Variants in DMXL1 observed in about 807,000 individuals in gnomAD.
DMXL1 encodes dmX-like protein 1.
DMXL1 carries 99 observed loss-of-function variants against 319.2 expected under a neutral mutation model. That is an observed-to-expected ratio of 0.31 (90% confidence interval 0.26 to 0.37). The LOEUF (loss-of-function observed/expected upper bound fraction) is 0.37. Ranked by LOEUF, DMXL1 falls within the 10% of genes least tolerant of loss-of-function variation. The probability of loss-of-function intolerance (pLI) is 1.00; values close to 1 mark genes in which losing one functional copy is unlikely to be tolerated. For synonymous variants in DMXL1, 1,385 were observed against 1,235.2 expected (o/e 1.12, Z -2.54); for missense variants, 3,745 against 3,595.6 (o/e 1.04, Z -1.06).
intron 30 of DMXL1, among the ~76,000 whole-genome samples, chr5:119,194,368 A>G (rs1581248791): frequency 1.3e-5 from 2 of 152,232 alleles, no homozygotes; most frequent in East Asian, 3.8e-4. Context: ...GAACACTAGT[A>G]CTATAAGATG....
At chr5:119,221,266 A>G (rs1355016842) in intron 37 of DMXL1, among the ~76,000 whole-genome samples, 185 bp downstream of exon 37, 1 of 152,176 alleles carries the variant, frequency 6.6e-6, no homozygotes, top group Admixed American at 6.5e-5. Context: ...GTAATAATAA[A>G]TTGTTTTAAA....
chr5:119,122,325 C>T (rs1468337725), intron 9 of DMXL1, among the ~76,000 whole-genome samples: 1 of 149,040 alleles, frequency 6.7e-6, no homozygotes, highest in Non-Finnish European at 1.5e-5. Context: ...GACCCCCCCA[C>T]CTCCCTCCCG....
intron 37 of DMXL1, among the ~76,000 whole-genome samples, chr5:119,221,347 G>T (rs1346594396): frequency 6.6e-6 from 1 of 152,090 alleles, no homozygotes; most frequent in East Asian, 1.9e-4. Context: ...TTCAGATCAG[G>T]CTTCAGCAAG....
At chr5:119,218,652 T>A (rs1265983769) in intron 35 of DMXL1, among the ~76,000 whole-genome samples, 1 of 152,104 alleles carries the variant, frequency 6.6e-6, no homozygotes, top group Admixed American at 6.6e-5. Context: ...AGACGGCGTT[T>A]CACCATGTTG....
chr5:119,080,327 A>C (rs768068558), intron 1 of DMXL1, among the ~76,000 whole-genome samples: 12 of 152,174 alleles, frequency 7.9e-5, no homozygotes, highest in Non-Finnish European at 1.8e-4. Context: ...ATCCTGGGCG[A>C]CAGAGCAAGA....
intron 38 of DMXL1, among the ~76,000 whole-genome samples, chr5:119,232,208 A>T (rs919960108): frequency 6.6e-6 from 1 of 152,150 alleles, no homozygotes; most frequent in Non-Finnish European, 1.5e-5. Flanking sequence ...CAACCACCCC[A>T]ATTTATTTTT....
At chr5:119,239,180 A>ATAGGGGAC (rs1788304432) in intron 41 of DMXL1, 100 bp downstream of exon 41, 1 of 1,217,532 alleles carries the variant, frequency 8.2e-7, no homozygotes, top group Admixed American at 2.1e-5. Context: ...TTATGGCTTT[A>ATAGGGGAC]GATACAGTAT....
intron 42 of DMXL1, among the ~76,000 whole-genome samples, chr5:119,243,999 A>G (rs1789271704): frequency 6.6e-6 from 1 of 152,246 alleles, no homozygotes; most frequent in East Asian, 1.9e-4. Context: ...GGACCAAAGC[A>G]GCATTTGGTC....
chr5:119,240,115 T>A (rs1015591437), intron 41 of DMXL1, among the ~76,000 whole-genome samples: 2 of 151,844 alleles, frequency 1.3e-5, no homozygotes, highest in African/African-American at 2.4e-5. Context: ...CAAAAAAAAA[T>A]TTAAAAAATT....
chr5:119,188,511 A>T (rs554072000), intron 28 of DMXL1, among the ~76,000 whole-genome samples: 2 of 152,352 alleles, frequency 1.3e-5, no homozygotes, highest in South Asian at 4.1e-4. Flanking sequence ...TATAGTTCTC[A>T]CTTTTCACTT....
rs554095949 is a variant in DMXL1 at position 119,178,171 on chromosome 5, A to G, written c.7062A>G (p.Lys2354=). The G allele has an allele frequency of 6.2e-7, 1 of 1,613,982 alleles. No homozygotes were observed. The highest frequency in any genetic ancestry group is 1.7e-5 in the Admixed American group (1 of 60,016). Residue 2354 remains lysine (K), a synonymous_variant, in exon 28 of 44, where the codon AAA becomes AAG. Coordinates refer to ENST00000539542, the MANE Select transcript of DMXL1 (RefSeq NM_001290321.3). ...TTGTGGCCCATCCTCTAAATGAGAAAATGTGGTCTGCTGTGTTTGGTGGAG... is the reference window on the plus strand; with the variant it reads ...TTGTGGCCCATCCTCTAAATGAGAAGATGTGGTCTGCTGTGTTTGGTGGAG... ...FRIVAHPLNE[K]MWSAVFGGGA... is the part of the protein sequence containing the mutation.
In DMXL1 at chr5:119,147,353, G is replaced by C; in HGVS notation, c.2794G>C (p.Ala932Pro). The change falls in exon 17 of 44, where the codon GCT becomes CCT. Residue 932 changes from alanine to proline, a missense_variant. This residue lies in a region of DMXL1 where 2,096 missense variants were observed against 1,985.4 expected (regional missense o/e 1.06). Transcript: ENST00000539542. ...ILSPFSQKYQ[A>P]CRANLQSTSR... ...ATCTCCTTTTTCACAAAAGTATCAG[G>C]CTTGCAGAGCAAATCTCCAGAGTAC... 1 of 1,613,370 alleles carries C rather than the reference G, an allele frequency of 6.2e-7. No homozygotes were observed. The highest frequency in any genetic ancestry group is 8.5e-7 in the Non-Finnish European group (1 of 1,179,630).
At position 119,220,541 on chromosome 5, in the gene DMXL1, G is replaced by C. The variant is rs777929434; in HGVS notation, c.8083G>C (p.Ala2695Pro). Residue 2695 changes from alanine (A) to proline (P), a missense_variant, in exon 36 of 44, where the codon GCC (alanine) becomes CCC (proline). By Grantham distance (27) the Ala-to-Pro change is conservative. Coordinates refer to ENST00000539542, the MANE Select transcript of DMXL1 (RefSeq NM_001290321.3). ...AGAACTGGATGTTTCTGGAATTCTG[G>C]CCACACAGGTCTACACTTGGGTAGA... ...VQELDVSGIL[A>P]TQVYTWVDDD... The C allele has an allele frequency of 6.2e-7, 1 of 1,613,726 alleles. No homozygotes were observed. Among genetic ancestry groups the C allele is most frequent in the Non-Finnish European group, 8.5e-7 (1 of 1,179,808 alleles).
chr5:119,134,015 T>A lies in DMXL1; in HGVS notation c.2091T>A (p.Asp697Glu). Residue 697 changes from aspartate to glutamate, a missense_variant, in exon 12 of 44, where the codon GAT becomes GAA. Physicochemically the swap from Asp to Glu is conservative, Grantham distance 45. Transcript: ENST00000539542. ...GCACTGTTGACGTGGCATTTCAGGA[T>A]CCCAGTGCAGTTTACAGTGAGCTTA... is the stretch of plus-strand genomic sequence containing the variant. ...NKSTVDVAFQ[D>E]PSAVYSELIL... 1 of 1,614,182 alleles carries A rather than the reference T, an allele frequency of 6.2e-7. No individual in the cohort carries two copies. Among genetic ancestry groups the A allele is most frequent in the African/African-American group, 1.3e-5 (1 of 75,046 alleles).
chr5:119,240,961 G>A (rs1235577573), intron 42 of DMXL1, among the ~76,000 whole-genome samples: 1 of 152,080 alleles, frequency 6.6e-6, no homozygotes, highest in Non-Finnish European at 1.5e-5. Context: ...AGGATACAAG[G>A]TCAATATACA....
chr5:119,214,162 T>C (rs536381676), intron 34 of DMXL1, among the ~76,000 whole-genome samples: 1 of 152,320 alleles, frequency 6.6e-6, no homozygotes, highest in Admixed American at 6.5e-5. Context: ...TACTCCCTAC[T>C]GTTTCCTTCA....
At chr5:119,197,685 C>G in intron 31 of DMXL1, 70 bp from the exon 32 acceptor site, 1 of 1,375,200 alleles carries the variant, frequency 7.3e-7, no homozygotes. Context: ...TCTCTCATTT[C>G]AGTCTTTCTT....
At chr5:119,072,487 A>G (rs1405160430) in intron 1 of DMXL1, among the ~76,000 whole-genome samples, 1 of 152,196 alleles carries the variant, frequency 6.6e-6, no homozygotes, top group Non-Finnish European at 1.5e-5. Context: ...TGTGATTAAA[A>G]GTAAAACTTG....
Position 119,114,391 on chromosome 5 carries a change from A to ATTGC in DMXL1, c.498-82_498-79dup. 4 of 971,542 alleles carry ATTGC rather than the reference A, an allele frequency of 4.1e-6. No individual in the cohort carries two copies. In the South Asian group the frequency reaches 5.9e-5, roughly 14 times the overall value. 60.2% of individuals were successfully genotyped at this position (971,542 alleles called of 1,614,324 possible). ...ATAACATTTTCTGTCTTTTGAACCAATTGCTGATTTATAATTTTGAGAATA... is the reference window on the plus strand; with the variant it reads ...ATAACATTTTCTGTCTTTTGAACCAATTGCTTGCTGATTTATAATTTTGAGAATA... On this transcript the variant is annotated intron_variant, in intron 5 of 43. Coordinates refer to ENST00000539542, the MANE Select transcript of DMXL1 (RefSeq NM_001290321.3).
Sources: gnomAD v4.1 joint callset for allele counts (sites outside exome capture counted in the v4.1 genomes callset) on GRCh38, gnomAD v4.1.1 for gene constraint, gnomAD v4.1.1 regional missense constraint, MANE v1.5 for transcripts, NCBI Gene and HGNC (gene_info 2026-07-23, HGNC 2026-07-21) for gene names.